The following DLG2 variants were observed in gnomAD, a reference collection of about 807,000 sequenced individuals.
DLG2 encodes the protein disks large homolog 2.
DLG2 carries 45 observed loss-of-function variants against 132.5 expected under a neutral mutation model. The ratio of observed to expected loss-of-function variants is 0.34; its 90% confidence interval spans 0.27 to 0.44. The LOEUF is 0.44. DLG2 is among the 20% of genes least tolerant of loss of function. The pLI, the probability that DLG2 is intolerant of heterozygous loss-of-function variation, is 1.00. For missense variants in DLG2, 1,045 were observed against 1,196.9 expected, an observed-to-expected ratio of 0.87 and a Z score of 1.87; for synonymous variants, 424 against 419.6, an observed-to-expected ratio of 1.01 and a Z score of -0.13.
At chr11:85,338,988 G>A (rs766687398) in intron 3 of DLG2, among the ~76,000 whole-genome samples, 7 of 152,080 alleles carry the variant, frequency 4.6e-5, no homozygotes, top group African/African-American at 7.2e-5. Context: ...CACCACGCCC[G>A]GCCATGTGTA....
chr11:85,461,537 A>T (rs757958236), intron 3 of DLG2, among the ~76,000 whole-genome samples: 4 of 152,158 alleles, frequency 2.6e-5, no homozygotes, highest in Non-Finnish European at 5.9e-5. Context: ...AGAGTGAGAG[A>T]AGTCCTTGAG....
intron 10 of DLG2, among the ~76,000 whole-genome samples, chr11:84,086,893 T>G (rs753033260): frequency 8.5e-5 from 13 of 152,208 alleles, no homozygotes; most frequent in Non-Finnish European, 1.2e-4. Context: ...TTCTAGAAAT[T>G]TCGTGTAAAT....
At chr11:83,692,743 T>C (rs910194684) in intron 18 of DLG2, among the ~76,000 whole-genome samples, 11 of 152,206 alleles carry the variant, frequency 7.2e-5, no homozygotes, top group Non-Finnish European at 1.2e-4. Flanking sequence ...GCAGAGACTA[T>C]CTGGTTCACC....
intron 3 of DLG2, among the ~76,000 whole-genome samples, chr11:85,472,689 C>T (rs2093023592): frequency 2.6e-5 from 4 of 152,230 alleles, no homozygotes; most frequent in Admixed American, 2.6e-4. Context: ...GGAAAAGAAT[C>T]TGGGACCCGC....
intron 7 of DLG2, among the ~76,000 whole-genome samples, chr11:84,375,176 T>C (rs1351508458): frequency 2.6e-5 from 4 of 152,196 alleles, no homozygotes; most frequent in Non-Finnish European, 5.9e-5. Context: ...TAGTGGACTG[T>C]TATTAACTGA....
At chr11:83,881,740 T>C (rs1418125370) in intron 15 of DLG2, among the ~76,000 whole-genome samples, 1 of 152,228 alleles carries the variant, frequency 6.6e-6, no homozygotes, top group East Asian at 1.9e-4. Flanking sequence ...TAAATTTCCA[T>C]TCCTTTCAGG....
chr11:85,601,062 T>C (rs1233155459), intron 2 of DLG2, among the ~76,000 whole-genome samples: 1 of 152,174 alleles, frequency 6.6e-6, no homozygotes, highest in African/African-American at 2.4e-5. Flanking sequence ...ACCGCACAAA[T>C]ACAATCAATG....
chr11:85,058,567 A>G (rs1316025492), intron 6 of DLG2, among the ~76,000 whole-genome samples: 1 of 151,540 alleles, frequency 6.6e-6, no homozygotes, highest in Non-Finnish European at 1.5e-5. Context: ...AAATGCAAAT[A>G]TACAAGAATT....
intron 19 of DLG2, among the ~76,000 whole-genome samples, chr11:83,587,859 T>C (rs1044258871): frequency 6.6e-6 from 1 of 152,126 alleles, no homozygotes; most frequent in Non-Finnish European, 1.5e-5. Context: ...GTTCCCTTTC[T>C]GAGTCAAGGA....
chr11:84,212,434 G>A (rs1413951146), intron 8 of DLG2, among the ~76,000 whole-genome samples: 2 of 152,172 alleles, frequency 1.3e-5, no homozygotes, highest in Non-Finnish European at 2.9e-5. Context: ...TTGGGGCACT[G>A]GAAAGAGCCA....
At chr11:84,152,434 TG>T (rs1177011261) in intron 9 of DLG2, among the ~76,000 whole-genome samples, 2 of 151,674 alleles carry the variant, frequency 1.3e-5, no homozygotes, top group Non-Finnish European at 2.9e-5. Context: ...TTGCCCAGGC[TG>T]GAGTGCAGTG....
intron 3 of DLG2, among the ~76,000 whole-genome samples, chr11:85,592,431 C>T (rs1222014463): frequency 1.3e-5 from 2 of 152,128 alleles, no homozygotes; most frequent in Non-Finnish European, 2.9e-5. Flanking sequence ...TCAACTGAAG[C>T]ACATGCTTTG....
At chr11:83,700,181 A>C (rs2082680479) in intron 18 of DLG2, among the ~76,000 whole-genome samples, 1 of 152,118 alleles carries the variant, frequency 6.6e-6, no homozygotes, top group Non-Finnish European at 1.5e-5. Context: ...TAAATATAAT[A>C]ATGTATTGAA....
At chr11:84,586,562 AT>A (rs2099530381) in intron 6 of DLG2, among the ~76,000 whole-genome samples, 1 of 152,166 alleles carries the variant, frequency 6.6e-6, no homozygotes, top group African/African-American at 2.4e-5. Flanking sequence ...AATCATTTAA[AT>A]GTCAATTTTT....
At chr11:85,018,122 C>G (rs1479519072) in intron 6 of DLG2, among the ~76,000 whole-genome samples, 1 of 152,144 alleles carries the variant, frequency 6.6e-6, no homozygotes, top group Non-Finnish European at 1.5e-5. Flanking sequence ...TAGAAACCAA[C>G]AACACATGTT....
intron 9 of DLG2, among the ~76,000 whole-genome samples, chr11:84,101,457 C>G (rs936559597): frequency 6.6e-6 from 1 of 152,098 alleles, no homozygotes; most frequent in African/African-American, 2.4e-5. Flanking sequence ...ATTTCGTATG[C>G]AACTGACTCT....
chr11:85,094,610 C>T (rs1168607362), intron 6 of DLG2, among the ~76,000 whole-genome samples: 1 of 152,186 alleles, frequency 6.6e-6, no homozygotes. Context: ...TAGCTTGCAA[C>T]TTTTCCTCTT....
intron 16 of DLG2, among the ~76,000 whole-genome samples, chr11:83,870,461 A>G (rs1181947060): frequency 6.6e-6 from 1 of 152,194 alleles, no homozygotes; most frequent in Non-Finnish European, 1.5e-5. Flanking sequence ...TTATGGCTGA[A>G]TAGTATTCCA....
At chr11:83,791,240 T>C (rs2041479897) in intron 17 of DLG2, 1 of 656,192 alleles carries the variant, frequency 1.5e-6, no homozygotes, top group Non-Finnish European at 2.7e-6. Context: ...TTAAAGACTA[T>C]CGGTGCTGAG....
Sources: gnomAD v4.1 joint callset for allele counts (sites outside exome capture counted in the v4.1 genomes callset) on GRCh38, gnomAD v4.1.1 for gene constraint, MANE v1.5 for transcripts, NCBI Gene and HGNC (gene_info 2026-07-23, HGNC 2026-07-21) for gene names.